The following FHOD3 variants were observed in gnomAD, a reference collection of about 807,000 sequenced individuals.
The protein encoded by FHOD3 is FH1/FH2 domain-containing protein 3.
Under a neutral mutation model 173.0 loss-of-function variants are expected in FHOD3, and 90 were observed. That is an observed-to-expected ratio of 0.52 (90% CI 0.44 to 0.62). The LOEUF (loss-of-function observed/expected upper bound fraction) is 0.62. Among genes scored for constraint, FHOD3 ranks in the 20% least tolerant of loss-of-function variants. The pLI, the probability that FHOD3 is intolerant of heterozygous loss-of-function variation, is 0.00. For synonymous variants in FHOD3, 828 were observed against 823.0 expected (o/e 1.01, Z -0.10); for missense variants, 1,945 against 2,034.7 (o/e 0.96, Z 0.85).
At chr18:36,451,559 T>C (rs918749967) in intron 3 of FHOD3, among the ~76,000 whole-genome samples, 2 of 152,236 alleles carry the variant, frequency 1.3e-5, no homozygotes, top group Admixed American at 6.5e-5. Flanking sequence ...GCCCTCTTTA[T>C]CTAGATTGAC....
At chr18:36,346,671 T>C (rs12326939) in intron 1 of FHOD3, among the ~76,000 whole-genome samples, 39,915 of 152,096 alleles carry the variant, frequency 0.26, 6,618 homozygotes, top group African/African-American at 0.46. Flanking sequence ...CCAAGCCACA[T>C]TGAAATTGTC....
chr18:36,590,591 A>G (rs1406271172), intron 6 of FHOD3, among the ~76,000 whole-genome samples: 1 of 152,220 alleles, frequency 6.6e-6, no homozygotes, highest in Non-Finnish European at 1.5e-5. Flanking sequence ...ATTAATTTAC[A>G]TAGTAAAGCT....
rs549464679 is a variant in FHOD3 at position 36,436,151 on chromosome 18, T to C, written c.337+63407T>C. ...AATGGAAGCTAATTATAAACTGATA[T>C]TGCATGCTGAGGTATGACAGTTACC... On this transcript the variant is annotated intron_variant, in intron 3 of 28. Coordinates refer to ENST00000590592, the MANE Select transcript of FHOD3 (RefSeq NM_001281740.3). 3.2e-4 allele frequency among the ~76,000 whole-genome samples: 49 copies of C among 152,264 alleles called. 1 individual carries two copies. In the South Asian group the frequency reaches 1.0e-2, roughly 31 times the overall value.
chr18:36,690,157 G>T lies in FHOD3; in HGVS notation c.2021+2979G>T, dbSNP rs183859947. Among the ~76,000 whole-genome samples, 3 of 152,128 alleles carry T rather than the reference G, an allele frequency of 2.0e-5. No individual in the cohort carries two copies. The East Asian group carries it at 5.8e-4, about 29-fold the overall frequency. The stretch of plus-strand genomic sequence containing the variant: ...CTGAACTGTGAGCTCTGTGAGGGTG[G>T]GATTTTTCCTTGTTTATTATTAAAT... On this transcript the variant is annotated intron_variant, in intron 16 of 28. Transcript: ENST00000590592.
intron 1 of FHOD3, among the ~76,000 whole-genome samples, chr18:36,305,749 C>CT (rs2092077067): frequency 2.0e-5 from 3 of 152,078 alleles, no homozygotes; most frequent in Admixed American, 6.5e-5. Context: ...GTGGGGTGGT[C>CT]CTTGGGGGAG....
intron 8 of FHOD3, among the ~76,000 whole-genome samples, chr18:36,604,056 C>T (rs1158044795): frequency 3.9e-5 from 6 of 152,134 alleles, no homozygotes; most frequent in African/African-American, 1.2e-4. Context: ...CAGTCTTGGT[C>T]CTTGGTGCTC....
At chr18:36,674,442 T>C (rs556059815) in intron 14 of FHOD3, among the ~76,000 whole-genome samples, 1 of 152,280 alleles carries the variant, frequency 6.6e-6, no homozygotes, top group East Asian at 1.9e-4. Flanking sequence ...TGCAGTGGCG[T>C]GATCATAGCT....
At chr18:36,752,387 C>A (rs554599916) in intron 24 of FHOD3, among the ~76,000 whole-genome samples, 1 of 152,264 alleles carries the variant, frequency 6.6e-6, no homozygotes, top group African/African-American at 2.4e-5. Context: ...TCCACCCCTC[C>A]CATTCTGGGC....
intron 20 of FHOD3, among the ~76,000 whole-genome samples, chr18:36,739,714 G>A (rs988611071): frequency 5.3e-5 from 8 of 152,092 alleles, no homozygotes; most frequent in South Asian, 2.1e-4. Context: ...ATACCTATGC[G>A]TTTCACTGTA....
At position 36,687,136 on chromosome 18, in the gene FHOD3, A is replaced by G; in HGVS notation, c.1979A>G (p.Tyr660Cys). ...CTACATATTTCCATTAGCCGAGATT[A>G]TTTAGACAAAAGAGAGGAGCAAAGG... The part of the protein sequence containing the change: ...REERNKFSRD[Y>C]LDKREEQRQA... Residue 660 changes from tyrosine (Y) to cysteine (C), a missense_variant, in exon 16 of 29, where the codon TAT becomes TGT. By Grantham distance (194) the Tyr-to-Cys change is radical (BLOSUM62 -2). This residue lies in a region of FHOD3 where 1,099 missense variants were observed against 1,051.2 expected (regional missense o/e 1.05). Transcript: ENST00000590592. 1 of 1,610,622 alleles carries G rather than the reference A, an allele frequency of 6.2e-7. No individual in the cohort carries two copies. Among genetic ancestry groups the G allele is most frequent in the Non-Finnish European group, 8.5e-7 (1 of 1,177,354 alleles).
intron 5 of FHOD3, among the ~76,000 whole-genome samples, chr18:36,527,250 G>T (rs2056564105): frequency 6.6e-6 from 1 of 152,218 alleles, no homozygotes; most frequent in African/African-American, 2.4e-5. Flanking sequence ...AGGGAGAGAA[G>T]CACATCATCA....
At chr18:36,590,820 T>C (rs752003136) in intron 6 of FHOD3, among the ~76,000 whole-genome samples, 11 of 152,158 alleles carry the variant, frequency 7.2e-5, no homozygotes, top group Non-Finnish European at 1.6e-4. Context: ...AGTGGTTTCT[T>C]AATTAGAGAG....
At chr18:36,619,079 C>T (rs985835507) in intron 9 of FHOD3, among the ~76,000 whole-genome samples, 2 of 152,214 alleles carry the variant, frequency 1.3e-5, no homozygotes, top group Non-Finnish European at 2.9e-5. Flanking sequence ...GCCTCTCTAC[C>T]TTCCTTTTCC....
At chr18:36,529,901 C>A (rs1447781162) in intron 5 of FHOD3, among the ~76,000 whole-genome samples, 2 of 152,164 alleles carry the variant, frequency 1.3e-5, no homozygotes, top group Admixed American at 1.3e-4. Flanking sequence ...AAAGTCAGAT[C>A]TCTGACAAGG....
intron 3 of FHOD3, among the ~76,000 whole-genome samples, chr18:36,438,659 T>A (rs2050949055): frequency 6.6e-6 from 1 of 152,206 alleles, no homozygotes; most frequent in South Asian, 2.1e-4. Context: ...CCCCACATAT[T>A]GCTCAGGTAT....
chr18:36,760,914 A>T, intron 27 of FHOD3, 132 bp downstream of exon 27: 1 of 884,944 alleles, frequency 1.1e-6, no homozygotes, highest in East Asian at 2.8e-5. Context: ...AACCACACAC[A>T]TTCCCTCACT....
At chr18:36,455,455 A>G (rs1035886518) in intron 3 of FHOD3, among the ~76,000 whole-genome samples, 1 of 152,198 alleles carries the variant, frequency 6.6e-6, no homozygotes, top group Non-Finnish European at 1.5e-5. Flanking sequence ...CTTTAATCCT[A>G]TCTATATATT....
chr18:36,700,722 C>T (rs192309881), intron 17 of FHOD3, among the ~76,000 whole-genome samples: 4 of 152,318 alleles, frequency 2.6e-5, no homozygotes, highest in African/African-American at 7.2e-5. Flanking sequence ...TCTCCATTAT[C>T]TACCACATAA....
At chr18:36,549,410 A>T (rs2057544693) in intron 5 of FHOD3, among the ~76,000 whole-genome samples, 1 of 151,468 alleles carries the variant, frequency 6.6e-6, no homozygotes, top group Non-Finnish European at 1.5e-5. Flanking sequence ...TTATTTTTTC[A>T]TTCTCTTAGC....
Sources: allele counts gnomAD v4.1 joint callset (sites outside exome capture counted in the v4.1 genomes callset), GRCh38; gene constraint gnomAD v4.1.1; regional missense constraint gnomAD v4.1.1; transcripts MANE v1.5; gene names NCBI Gene and HGNC (gene_info 2026-07-23, HGNC 2026-07-21).